The following PLPPR1 variants were observed in gnomAD, a reference collection of about 807,000 sequenced individuals.
The protein encoded by PLPPR1 is phospholipid phosphatase-related protein type 1.
Under a neutral mutation model 33.1 loss-of-function variants are expected in PLPPR1, and 10 were observed. That is an observed-to-expected ratio of 0.30 (90% CI 0.19 to 0.51). The LOEUF (loss-of-function observed/expected upper bound fraction) is 0.51. Among genes scored for constraint, PLPPR1 ranks in the 20% least tolerant of loss-of-function variants. The probability of loss-of-function intolerance (pLI) is 0.97; values close to 1 mark genes in which losing one functional copy is unlikely to be tolerated. For missense variants in PLPPR1, 304 were observed against 408.1 expected, an observed-to-expected ratio of 0.74 and a Z score of 2.20; for synonymous variants, 151 against 151.0, an observed-to-expected ratio of 1.00 and a Z score of 0.00.
intron 1 of PLPPR1, among the ~76,000 whole-genome samples, chr9:101,069,738 G>A (rs1001471408): frequency 6.6e-6 from 1 of 152,064 alleles, no homozygotes; most frequent in Non-Finnish European, 1.5e-5. Context: ...CAACACTTAC[G>A]TCCCTAACTG....
intron 1 of PLPPR1, among the ~76,000 whole-genome samples, chr9:101,151,981 C>G (rs1417253638): frequency 1.3e-5 from 2 of 152,194 alleles, no homozygotes; most frequent in Admixed American, 6.5e-5. Flanking sequence ...ACACTGTCTT[C>G]CACAATGGTT....
At chr9:101,151,609 G>T (rs929861449) in intron 1 of PLPPR1, among the ~76,000 whole-genome samples, 1 of 152,152 alleles carries the variant, frequency 6.6e-6, no homozygotes, top group East Asian at 1.9e-4. Flanking sequence ...TACCAATGAA[G>T]CCTCCTGTGT....
rs1350760433 is a variant in PLPPR1 at position 101,028,865 on chromosome 9, C to T, written c.-283C>T. On this transcript the variant is annotated 5_prime_UTR_variant, in exon 1 of 8. Transcript: ENST00000374874. ...CCAGCGGCATCTGTGATCCCGCGCACCTCCGCCCCACGGGCGCGCGCACAA... is the reference window on the plus strand; with the variant it reads ...CCAGCGGCATCTGTGATCCCGCGCATCTCCGCCCCACGGGCGCGCGCACAA... 6.6e-6 allele frequency: 1 copy of T among 152,428 alleles called. No homozygotes were observed. The highest frequency in any genetic ancestry group is 1.5e-5 in the Non-Finnish European group (1 of 68,208). 9.4% of individuals were successfully genotyped at this position (152,428 alleles called of 1,614,324 possible).
intron 4 of PLPPR1, among the ~76,000 whole-genome samples, chr9:101,297,742 G>A (rs1828675190): frequency 1.3e-5 from 2 of 152,122 alleles, no homozygotes; most frequent in African/African-American, 4.8e-5. Context: ...AAAAACAAAT[G>A]TAATCAAATT....
At chr9:101,127,158 T>TTTAGACA (rs879838569) in intron 1 of PLPPR1, among the ~76,000 whole-genome samples, 1,949 of 152,352 alleles carry the variant, frequency 0.013, 12 homozygotes, top group Non-Finnish European at 0.02. Flanking sequence ...GTACTCAACT[T>TTTAGACA]TCCCGCTGAG....
intron 4 of PLPPR1, among the ~76,000 whole-genome samples, chr9:101,303,040 G>A (rs1237451776): frequency 6.6e-6 from 1 of 152,212 alleles, no homozygotes; most frequent in African/African-American, 2.4e-5. Context: ...AGGCTGGAGT[G>A]CAGTGGCACA....
chr9:101,233,680 A>T lies in PLPPR1; in HGVS notation c.64-36200A>T, dbSNP rs1199525116. ...TCTGACATGTAATGTTTTAGCAAGAAGGTCCTTACCAGATCCCAGCTCCTT... is the reference window on the plus strand; with the variant it reads ...TCTGACATGTAATGTTTTAGCAAGATGGTCCTTACCAGATCCCAGCTCCTT... On this transcript the variant is annotated intron_variant, in intron 2 of 7. Transcript: ENST00000374874. Among the ~76,000 whole-genome samples, 3 of 151,918 alleles carry T rather than the reference A, an allele frequency of 2.0e-5. No homozygotes were observed. The East Asian group carries it at 5.8e-4, about 29-fold the overall frequency.
At chr9:101,206,248 T>C (rs1027830895) in intron 2 of PLPPR1, among the ~76,000 whole-genome samples, 1 of 152,186 alleles carries the variant, frequency 6.6e-6, no homozygotes, top group African/African-American at 2.4e-5. Context: ...GAATCCATAC[T>C]CATACTCAGG....
chr9:101,188,793 T>TCAATAGCTCCATGATTCTCTTAAA (rs1826247009), intron 2 of PLPPR1, among the ~76,000 whole-genome samples: 1 of 152,124 alleles, frequency 6.6e-6, no homozygotes, highest in Non-Finnish European at 1.5e-5. Context: ...CTGAAGTTCA[T>TCAATAGCTCCATGATTCTCTTAAA]CAATAGCTCC....
chr9:101,113,978 G>C (rs1250119908), intron 1 of PLPPR1, among the ~76,000 whole-genome samples: 3 of 151,960 alleles, frequency 2.0e-5, no homozygotes, highest in Non-Finnish European at 2.9e-5. Flanking sequence ...GATGATATGA[G>C]GAAGCACAGA....
intron 1 of PLPPR1, among the ~76,000 whole-genome samples, chr9:101,162,950 A>G (rs1437878925): frequency 6.6e-6 from 1 of 152,138 alleles, no homozygotes; most frequent in Non-Finnish European, 1.5e-5. Context: ...ATAAAGCCCC[A>G]CCGGCTGACA....
chr9:101,264,726 A>G (rs1452499960), intron 2 of PLPPR1, among the ~76,000 whole-genome samples: 1 of 152,118 alleles, frequency 6.6e-6, no homozygotes, highest in South Asian at 2.1e-4. Context: ...GGGGACAGAT[A>G]TATTGTCTCT....
At chr9:101,225,574 C>T (rs753618723) in intron 2 of PLPPR1, among the ~76,000 whole-genome samples, 14 of 152,006 alleles carry the variant, frequency 9.2e-5, no homozygotes, top group Non-Finnish European at 1.9e-4. Flanking sequence ...GAACACGAAG[C>T]GGGAGCATGC....
At chr9:101,051,942 TTAGTATG>T (rs1270898373) in intron 1 of PLPPR1, among the ~76,000 whole-genome samples, 2 of 152,244 alleles carry the variant, frequency 1.3e-5, no homozygotes, top group Admixed American at 6.5e-5. Flanking sequence ...TAACTGGATT[TTAGTATG>T]TAATGAGACA....
At chr9:101,255,081 A>G (rs1229325219) in intron 2 of PLPPR1, among the ~76,000 whole-genome samples, 1 of 152,192 alleles carries the variant, frequency 6.6e-6, no homozygotes, top group Admixed American at 6.6e-5. Context: ...ACATAAAAAT[A>G]GCATGTCACT....
At chr9:101,309,160 G>A in intron 4 of PLPPR1, 51 bp from the exon 5 acceptor site, 1 of 1,595,064 alleles carries the variant, frequency 6.3e-7, no homozygotes, top group Non-Finnish European at 8.6e-7. Flanking sequence ...GGAGAAAAAT[G>A]CAATTGACAG....
chr9:101,210,233 TG>T (rs1826664976), intron 2 of PLPPR1, among the ~76,000 whole-genome samples: 1 of 152,210 alleles, frequency 6.6e-6, no homozygotes, highest in Non-Finnish European at 1.5e-5. Context: ...GCATATACCT[TG>T]AAGAAATTAA....
chr9:101,240,281 C>T (rs765972899), intron 2 of PLPPR1, among the ~76,000 whole-genome samples: 4 of 152,018 alleles, frequency 2.6e-5, no homozygotes, highest in Non-Finnish European at 5.9e-5. Flanking sequence ...CAATACCATG[C>T]TGTTTTGCTT....
intron 1 of PLPPR1, among the ~76,000 whole-genome samples, chr9:101,085,972 G>C (rs895947707): frequency 3.3e-5 from 5 of 152,216 alleles, no homozygotes; most frequent in African/African-American, 1.2e-4. Flanking sequence ...TTATGTATGA[G>C]GTTAACCATG....
Sources: gnomAD v4.1 joint callset for allele counts (sites outside exome capture counted in the v4.1 genomes callset) on GRCh38, gnomAD v4.1.1 for gene constraint, MANE v1.5 for transcripts, NCBI Gene and HGNC (gene_info 2026-07-23, HGNC 2026-07-21) for gene names.